Variants in RRP36 observed in about 807,000 individuals in gnomAD.
The protein encoded by RRP36 is ribosomal RNA processing protein 36 homolog.
A neutral mutation model predicts 39.8 loss-of-function variants in RRP36; 44 were observed. That is an observed-to-expected ratio of 1.10 (90% confidence interval 0.87 to 1.42). The LOEUF is 1.42. Ranked by LOEUF, RRP36 falls within the 40% of genes most tolerant of loss-of-function variation. RRP36 has a pLI of 0.00. For synonymous variants in RRP36, 124 were observed against 123.1 expected, an observed-to-expected ratio of 1.01 and a Z score of -0.05; for missense variants, 316 against 322.4, an observed-to-expected ratio of 0.98 and a Z score of 0.15.
intron 6 of RRP36, among the ~76,000 whole-genome samples, chr6:43,028,703 C>T (rs2150297879): frequency 6.6e-6 from 1 of 151,686 alleles, no homozygotes; most frequent in Non-Finnish European, 1.5e-5. Context: ...GTAATCCCAG[C>T]ACTTTGGGAG....
At chr6:43,022,482 C>T (rs1373535766) in intron 1 of RRP36, among the ~76,000 whole-genome samples, 1 of 151,968 alleles carries the variant, frequency 6.6e-6, no homozygotes, top group African/African-American at 2.4e-5. Flanking sequence ...TGCACCATGA[C>T]GGCTCACTGC....
intron 6 of RRP36, among the ~76,000 whole-genome samples, chr6:43,028,238 G>A (rs1762853614): frequency 1.3e-5 from 2 of 152,142 alleles, no homozygotes; most frequent in Admixed American, 1.3e-4. Flanking sequence ...GCTGAGGCAG[G>A]AGGATCACTT....
At chr6:43,026,860 C>T (rs1762820057) in intron 4 of RRP36, among the ~76,000 whole-genome samples, 1 of 151,386 alleles carries the variant, frequency 6.6e-6, no homozygotes, top group East Asian at 1.9e-4. Flanking sequence ...AGGAGGAGAT[C>T]AAGATCATCC....
In RRP36 at chr6:43,021,680, G is replaced by C; in HGVS notation, c.26G>C (p.Gly9Ala). The change falls in exon 1 of 7, where the codon GGG becomes GCG. Residue 9 changes from glycine (G) to alanine (A), a missense_variant. Gly to Ala is a moderately conservative substitution (Grantham distance 60). Coordinates refer to ENST00000244496, the MANE Select transcript of RRP36 (RefSeq NM_033112.4). MPGANYRAGAGAGAGARRP... is the reference protein window; with the variant it reads MPGANYRAAAGAGAGARRP... ...ATGCCGGGAGCTAACTACCGCGCCG[G>C]GGCCGGGGCCGGGGCCGGGGCCCGA... The C allele has an allele frequency of 2.3e-6, 2 of 870,060 alleles. No individual in the cohort carries two copies. The highest frequency in any genetic ancestry group is 2.7e-6 in the Non-Finnish European group (2 of 738,866). The allele number at this position is 870,060 out of a possible 1,614,324, so 53.9% of individuals were successfully genotyped here. A position where few individuals can be genotyped will look rare whatever the true frequency, so the allele number is the denominator to read the frequency against.
intron 6 of RRP36, among the ~76,000 whole-genome samples, chr6:43,027,712 A>ACCCCCCCC (rs397973528): frequency 8.9e-5 from 4 of 44,978 alleles, no homozygotes; most frequent in Admixed American, 6.2e-4. Context: ...CCACTTCCCA[A>ACCCCCCCC]CCCCCCCCCC....
chr6:43,028,876 C>G (rs1400202897), intron 6 of RRP36, among the ~76,000 whole-genome samples: 2 of 152,140 alleles, frequency 1.3e-5, no homozygotes, highest in African/African-American at 4.8e-5. Context: ...TCACTTGAAT[C>G]TAGAAGACGG....
chr6:43,026,206 G>A, intron 4 of RRP36, 65 bp downstream of exon 4: 1 of 1,150,614 alleles, frequency 8.7e-7, no homozygotes, highest in Non-Finnish European at 1.3e-6. Context: ...ACAGGTTAGA[G>A]AGTTGGGCAG....
chr6:43,025,201 C>T, intron 2 of RRP36, 62 bp from the exon 3 acceptor site: 1 of 1,611,930 alleles, frequency 6.2e-7, no homozygotes, highest in South Asian at 1.1e-5. Flanking sequence ...TCTTGGGTGA[C>T]AGGTGGGAAG....
chr6:43,027,342 C>A lies in RRP36; in HGVS notation c.526-18C>A, dbSNP rs764938991. On this transcript the variant is annotated intron_variant, in intron 5 of 6. Transcript: ENST00000244496. ...GAACAGATCCCTCCCGTTCACCCAT[C>A]TCATCTTTGCTCCTCAGGAGCAGCA... 1 of 1,613,568 alleles carries A rather than the reference C, an allele frequency of 6.2e-7. No homozygotes were observed. The highest frequency in any genetic ancestry group is 1.3e-5 in the African/African-American group (1 of 74,908).
At position 43,021,699 on chromosome 6, in the gene RRP36, G is replaced by A. The variant is rs1253929296; in HGVS notation, c.45G>A (p.Gly15=). The change falls in exon 1 of 7, where the codon GGG becomes GGA. Residue 15 remains glycine, a synonymous_variant. Coordinates refer to ENST00000244496, the MANE Select transcript of RRP36 (RefSeq NM_033112.4). ...NYRAGAGAGA[G]ARRPRGARDR... ...GCGCCGGGGCCGGGGCCGGGGCCGG[G>A]GCCCGACGTCCCCGCGGGGCCCGGG... 2.6e-6 allele frequency: 3 copies of A among 1,136,580 alleles called. No homozygotes were observed. Among genetic ancestry groups the A allele is most frequent in the South Asian group, 4.3e-5 (1 of 23,042 alleles). The allele number at this position is 1,136,580 out of a possible 1,614,324, so 70.4% of individuals were successfully genotyped here.
Position 43,029,199 on chromosome 6 carries a change from A to G in RRP36, c.751A>G (p.Arg251Gly), listed in dbSNP as rs144610442. The G allele has an allele frequency of 2.5e-6, 4 of 1,614,120 alleles. No individual in the cohort carries two copies. The highest frequency in any genetic ancestry group is 1.1e-5 in the South Asian group (1 of 91,088). Reference sequence around the variant, plus strand: ...GAGGCGACGAAATGCAGGCAAGGACAGGAGACATCTCCCTTTGAGCAAAGA... The same window carrying G: ...GAGGCGACGAAATGCAGGCAAGGACGGGAGACATCTCCCTTTGAGCAAAGA... ...RKRRRNAGKDRRHLPLSKE is the reference protein window; with the variant it reads ...RKRRRNAGKDGRHLPLSKE Residue 251 changes from arginine to glycine, a missense_variant, in exon 7 of 7, where the codon AGG becomes GGG. By Grantham distance (125) the Arg-to-Gly change is moderately radical. Transcript: ENST00000244496.
intron 1 of RRP36, among the ~76,000 whole-genome samples, chr6:43,024,068 G>A (rs1300603633): frequency 6.6e-6 from 1 of 151,996 alleles, no homozygotes; most frequent in Non-Finnish European, 1.5e-5. Context: ...TGACCGGGCT[G>A]GTCTTAAACT....
chr6:43,027,075 T>C lies in RRP36; in HGVS notation c.451-103T>C, dbSNP rs557265032. On this transcript the variant is annotated intron_variant, in intron 4 of 6. Coordinates refer to ENST00000244496, the MANE Select transcript of RRP36 (RefSeq NM_033112.4). Reference sequence around the variant, plus strand: ...CAAGACTGCATCTCAAAAAAAAATGTGTGTGTGTGTATGTGTGTGAACTTC... The same window carrying C: ...CAAGACTGCATCTCAAAAAAAAATGCGTGTGTGTGTATGTGTGTGAACTTC... 11 of 968,944 alleles carry C rather than the reference T, an allele frequency of 1.1e-5. No individual in the cohort carries two copies. In the Admixed American group the frequency reaches 1.8e-4, roughly 16 times the overall value. The allele number at this position is 968,944 out of a possible 1,614,324, so 60.0% of individuals were successfully genotyped here.
intron 3 of RRP36, among the ~76,000 whole-genome samples, 171 bp from the exon 4 acceptor site, chr6:43,025,866 C>G (rs1247244986): frequency 6.6e-6 from 1 of 151,600 alleles, no homozygotes; most frequent in African/African-American, 2.4e-5. Context: ...TTGGGAGGCA[C>G]AGCTTGCAGT....
chr6:43,023,267 C>T (rs1196328957), intron 1 of RRP36, among the ~76,000 whole-genome samples: 2 of 152,032 alleles, frequency 1.3e-5, no homozygotes, highest in African/African-American at 4.8e-5. Flanking sequence ...AGGGTGGTGG[C>T]CCACGTCTGT....
In RRP36 at chr6:43,021,640, C is replaced by G; in HGVS notation, c.-15C>G. On this transcript the variant is annotated 5_prime_UTR_variant, in exon 1 of 7. Coordinates refer to ENST00000244496, the MANE Select transcript of RRP36 (RefSeq NM_033112.4). ...GAAGCGGCGCCATTCGTCTTCCGAGCGCTACTGCCAGCTGATGCCGGGAGC... is the reference window on the plus strand; with the variant it reads ...GAAGCGGCGCCATTCGTCTTCCGAGGGCTACTGCCAGCTGATGCCGGGAGC... The G allele has an allele frequency of 7.8e-7, 1 of 1,284,482 alleles. No homozygotes were observed. The allele number at this position is 1,284,482 out of a possible 1,614,324, so 79.6% of individuals were successfully genotyped here.
Position 43,026,101 on chromosome 6 carries a change from C to G in RRP36, c.410C>G (p.Thr137Arg). The G allele has an allele frequency of 6.2e-7, 1 of 1,613,874 alleles. No homozygotes were observed. Among genetic ancestry groups the G allele is most frequent in the Non-Finnish European group, 8.5e-7 (1 of 1,179,820 alleles). Residue 137 changes from threonine (T) to arginine (R), a missense_variant, in exon 4 of 7, where the codon ACA becomes AGA. Thr to Arg is a moderately conservative substitution (Grantham distance 71). Transcript: ENST00000244496. ...TATAATCCTGAGGTGTTTGACAAAA[C>G]ATACCAATTCTTGAATGACATCCGA... ...GEYNPEVFDK[T>R]YQFLNDIRAK...
chr6:43,024,951 G>A (rs1391881383), intron 1 of RRP36, 34 bp from the exon 2 acceptor site: 3 of 1,610,860 alleles, frequency 1.9e-6, no homozygotes, highest in East Asian at 2.2e-5. Context: ...GGGACATGCT[G>A]AGCTGAGTTG....
At chr6:43,023,611 G>C (rs1002242809) in intron 1 of RRP36, among the ~76,000 whole-genome samples, 7 of 151,774 alleles carry the variant, frequency 4.6e-5, no homozygotes, top group Admixed American at 3.3e-4. Context: ...AGAATCGCTT[G>C]AACCTGGGAG....
Sources: gnomAD v4.1 joint callset for allele counts (sites outside exome capture counted in the v4.1 genomes callset) on GRCh38, gnomAD v4.1.1 for gene constraint, MANE v1.5 for transcripts, NCBI Gene and HGNC (gene_info 2026-07-23, HGNC 2026-07-21) for gene names.